Variants in PPM1L observed in about 807,000 individuals in gnomAD.
PPM1L encodes the protein protein phosphatase, Mg2+/Mn2+ dependent 1L, also known as protein phosphatase 1L.
In PPM1L, 13 loss-of-function variants were observed where a neutral mutation model predicts 31.4. That is an observed-to-expected ratio of 0.41 (90% confidence interval 0.27 to 0.66). The LOEUF (loss-of-function observed/expected upper bound fraction) is 0.66, where lower values mean the gene tolerates loss of function less well. PPM1L is among the 30% of genes least tolerant of loss of function. The probability of loss-of-function intolerance (pLI) is 0.29; values close to 1 mark genes in which losing one functional copy is unlikely to be tolerated. For synonymous variants in PPM1L, 184 were observed against 175.4 expected, an observed-to-expected ratio of 1.05 and a Z score of -0.39; for missense variants, 326 against 453.7, an observed-to-expected ratio of 0.72 and a Z score of 2.56.
intron 2 of PPM1L, among the ~76,000 whole-genome samples, chr3:160,997,918 A>G (rs1717375128): frequency 6.6e-6 from 1 of 152,218 alleles, no homozygotes; most frequent in African/African-American, 2.4e-5. Flanking sequence ...TCAATAGCCA[A>G]GAACCATATG....
At chr3:160,861,266 G>A (rs1030604150) in intron 1 of PPM1L, among the ~76,000 whole-genome samples, 1 of 152,172 alleles carries the variant, frequency 6.6e-6, no homozygotes, top group Non-Finnish European at 1.5e-5. Flanking sequence ...AAGCAACTAT[G>A]TGCTGGGCAG....
At chr3:160,766,312 C>T (rs1025779027) in intron 1 of PPM1L, among the ~76,000 whole-genome samples, 4 of 152,062 alleles carry the variant, frequency 2.6e-5, no homozygotes, top group Admixed American at 6.5e-5. Flanking sequence ...GGGTCCCCAC[C>T]GAAATCTCAT....
chr3:160,910,590 C>T (rs765229078), intron 1 of PPM1L, among the ~76,000 whole-genome samples: 2 of 152,130 alleles, frequency 1.3e-5, no homozygotes, highest in Non-Finnish European at 2.9e-5. Flanking sequence ...GGATTACAGG[C>T]GTGAGCTATC....
At chr3:161,010,479 A>G (rs1164964499) in intron 2 of PPM1L, among the ~76,000 whole-genome samples, 1 of 152,196 alleles carries the variant, frequency 6.6e-6, no homozygotes, top group African/African-American at 2.4e-5. Flanking sequence ...TGCTGCAATA[A>G]ACATACGTGT....
chr3:160,796,309 G>A (rs945952444), intron 1 of PPM1L, among the ~76,000 whole-genome samples: 2 of 152,162 alleles, frequency 1.3e-5, no homozygotes, highest in South Asian at 2.1e-4. Flanking sequence ...GAGGTTAGGT[G>A]GGGTCTGGGG....
chr3:161,034,001 A>T (rs1400612399), intron 2 of PPM1L, among the ~76,000 whole-genome samples: 1 of 152,182 alleles, frequency 6.6e-6, no homozygotes, highest in Non-Finnish European at 1.5e-5. Context: ...TACAAGAAAA[A>T]AGCAAACAAC....
chr3:160,882,995 C>T (rs1181297288), intron 1 of PPM1L, among the ~76,000 whole-genome samples: 1 of 152,144 alleles, frequency 6.6e-6, no homozygotes, highest in Non-Finnish European at 1.5e-5. Context: ...TATAGTAAAC[C>T]TGTATTAATC....
intron 1 of PPM1L, among the ~76,000 whole-genome samples, chr3:160,938,693 C>T (rs1715061057): frequency 1.3e-5 from 2 of 152,154 alleles, no homozygotes; most frequent in African/African-American, 4.8e-5. Context: ...ATCCCTTTAG[C>T]CCACTCCCCT....
At chr3:160,917,584 A>G (rs1000640208) in intron 1 of PPM1L, among the ~76,000 whole-genome samples, 6 of 152,154 alleles carry the variant, frequency 3.9e-5, no homozygotes, top group Non-Finnish European at 5.9e-5. Context: ...CATGATTTTC[A>G]TAAGACTGGT....
rs1720057784 is a variant in PPM1L, at chr3:161,075,051, G to A, written c.*5894G>A. 6.6e-6 allele frequency: 1 copy of A among 152,086 alleles called. No homozygotes were observed. The highest frequency in any genetic ancestry group is 2.4e-5 in the African/African-American group (1 of 41,404). The allele number at this position is 152,086 out of a possible 1,614,324, so 9.4% of individuals were successfully genotyped here. ...GTAAGGGCACTGGTGGCAGATTGTG[G>A]TGGAGAGAGGGCTGAGTGACCCAGA... On this transcript the variant is annotated 3_prime_UTR_variant, in exon 4 of 4. Coordinates refer to ENST00000498165, the MANE Select transcript of PPM1L (RefSeq NM_139245.4).
In PPM1L at chr3:161,031,500, TCC is replaced by T. The variant is rs1402444197; in HGVS notation, c.575-33902_575-33901del. 2.4e-3 allele frequency among the ~76,000 whole-genome samples: 309 copies of T among 127,840 alleles called. 2 individuals are homozygous for T. Among genetic ancestry groups the T allele is most frequent in the Middle Eastern group, 0.011 (3 of 276 alleles). 83.9% of individuals were successfully genotyped at this position (127,840 alleles called of 152,430 possible). On this transcript the variant is annotated intron_variant, in intron 2 of 3. Coordinates refer to ENST00000498165, the MANE Select transcript of PPM1L (RefSeq NM_139245.4). ...TTGTGAATGGCAGCTATGTATTCTG[TCC>T]TTTTTTTTTTTTTTTTGAGAGAGAG...
intron 2 of PPM1L, among the ~76,000 whole-genome samples, chr3:161,001,770 A>G (rs1169627782): frequency 2.6e-5 from 4 of 152,174 alleles, no homozygotes; most frequent in African/African-American, 9.7e-5. Flanking sequence ...TGATCCACTC[A>G]TAACTAAGTA....
chr3:161,038,172 T>G (rs1483921932), intron 2 of PPM1L, among the ~76,000 whole-genome samples: 4 of 138,778 alleles, frequency 2.9e-5, no homozygotes, highest in Non-Finnish European at 6.0e-5. Flanking sequence ...AGGCGGAGCT[T>G]GCAGTGAGCC....
rs1717104413 is a variant in PPM1L at position 160,990,656 on chromosome 3, CA to C, written c.574+28749del. On this transcript the variant is annotated intron_variant, in intron 2 of 3. Transcript: ENST00000498165. ...CCTCTTTGTGAAGTTCTAAACAAAA[CA>C]AAGTGAAAGGTCCCTTCATTTATAC... 3.3e-5 allele frequency among the ~76,000 whole-genome samples: 5 copies of C among 152,102 alleles called. No individual in the cohort carries two copies. In the South Asian group the frequency reaches 1.0e-3, roughly 31 times the overall value.
intron 1 of PPM1L, among the ~76,000 whole-genome samples, chr3:160,808,384 T>TCTGTGTGTGTGTGTGTGTGTGCGCGCGC (rs1491093569): frequency 4.1e-5 from 1 of 24,616 alleles, no homozygotes; most frequent in African/African-American, 4.0e-4. Context: ...AGGATTTTCC[T>TCTGTGTGTGTGTGTGTGTGTGCGCGCGC]GTGTGTGTGT....
chr3:160,765,819 C>CT (rs546405699), intron 1 of PPM1L, among the ~76,000 whole-genome samples: 17 of 151,596 alleles, frequency 1.1e-4, no homozygotes, highest in South Asian at 2.1e-4. Flanking sequence ...CAAGCTTCGA[C>CT]TTTTTTTTTC....
At chr3:160,901,188 T>C (rs1713530482) in intron 1 of PPM1L, among the ~76,000 whole-genome samples, 1 of 152,114 alleles carries the variant, frequency 6.6e-6, no homozygotes, top group Non-Finnish European at 1.5e-5. Context: ...AGCTCAGACC[T>C]CTCCTGTGAC....
chr3:161,010,310 T>C lies in PPM1L; in HGVS notation c.574+48400T>C, dbSNP rs139167108. Among the ~76,000 whole-genome samples the C allele has an allele frequency of 8.8e-3, 1,347 of 152,294 alleles. 28 individuals carry two copies. Among genetic ancestry groups the C allele is most frequent in the African/African-American group, 0.03 (1,250 of 41,560 alleles). ...GAATGATGGTTTCCAGCTTCATTCA[T>C]GTCCCTACAAAGGACATGAACTCAT... On this transcript the variant is annotated intron_variant, in intron 2 of 3. Transcript: ENST00000498165.
chr3:160,963,106 G>C (rs560654380), intron 2 of PPM1L, among the ~76,000 whole-genome samples: 1 of 151,882 alleles, frequency 6.6e-6, no homozygotes, highest in South Asian at 2.1e-4. Context: ...GTTTTGATCA[G>C]TCCCAACCAA....
Sources: gnomAD v4.1 joint callset for allele counts (sites outside exome capture counted in the v4.1 genomes callset) on GRCh38, gnomAD v4.1.1 for gene constraint, MANE v1.5 for transcripts, NCBI Gene and HGNC (gene_info 2026-07-23, HGNC 2026-07-21) for gene names.